AIFM1: variants seen among roughly 807,000 people sequenced by gnomAD.
The protein encoded by AIFM1 is apoptosis inducing factor mitochondria associated 1.
AIFM1 carries 3 observed loss-of-function variants against 51.7 expected under a neutral mutation model. The ratio of observed to expected loss-of-function variants is 0.06; its 90% CI spans 0.03 to 0.15. The LOEUF is 0.15. Among genes scored for constraint, AIFM1 ranks in the 10% least tolerant of loss-of-function variants. The pLI, the probability that AIFM1 is intolerant of heterozygous loss-of-function variation, is 1.00. For missense variants in AIFM1, 330 were observed against 476.8 expected, an observed-to-expected ratio of 0.69 and a Z score of 2.87; for synonymous variants, 178 against 179.4, an observed-to-expected ratio of 0.99 and a Z score of 0.06.
chrX:130,153,270 A>T (rs542845696), intron 2 of AIFM1, among the ~76,000 whole-genome samples: 2 of 103,550 alleles, frequency 1.9e-5, no homozygotes, highest in South Asian at 9.4e-4. Context: ...GGAAAATGGC[A>T]TGAACCCGGG....
At position 130,136,849 on chromosome X, in the gene AIFM1, T is replaced by C. The variant is rs193157887; in HGVS notation, c.1076-118A>G. ...AACCAATTATCAGTACACAGGCAGT[T>C]TTGGAGAGCTGCAAGAACCTACACC... is the stretch of plus-strand genomic sequence containing the variant. On this transcript the variant is annotated intron_variant, in intron 10 of 15. Transcript: ENST00000287295. 7.3e-4 allele frequency: 736 copies of C among 1,010,938 alleles called. 8 individuals carry two copies. In the African/African-American group the frequency reaches 0.012, roughly 17 times the overall value. The allele number at this position is 1,010,938 out of a possible 1,213,427, so 83.3% of individuals were successfully genotyped here. A position where few individuals can be genotyped will look rare whatever the true frequency, so the allele number is the denominator to read the frequency against.
In AIFM1 at chrX:130,137,567, C is replaced by A; in HGVS notation, c.968-382G>T. 4 of 1,157,767 alleles carry A rather than the reference C, an allele frequency of 3.5e-6. No homozygotes were observed. The Middle Eastern group carries it at 9.4e-4, about 272-fold the overall frequency. On this transcript the variant is annotated intron_variant, in intron 9 of 15. Transcript: ENST00000287295. ...AGAAAACTAGTTGCCATGAAACATTCCAACTGGAGCTCACAGATCTCTCAA... is the reference window on the plus strand; with the variant it reads ...AGAAAACTAGTTGCCATGAAACATTACAACTGGAGCTCACAGATCTCTCAA...
intron 3 of AIFM1, 113 bp downstream of exon 3, chrX:130,149,356 A>C (rs2030876241): frequency 1.6e-6 from 1 of 623,548 alleles, no homozygotes; most frequent in African/African-American, 2.2e-5. Context: ...AGATGCTTGC[A>C]ATCTCATACC....
intron 3 of AIFM1, among the ~76,000 whole-genome samples, chrX:130,148,982 C>T (rs1214321798): frequency 3.2e-5 from 3 of 92,502 alleles, no homozygotes; most frequent in African/African-American, 1.3e-4. Flanking sequence ...AGTGCAGCAG[C>T]GTGATCTTGG....
At position 130,132,996 on chromosome X, in the gene AIFM1, C is replaced by T. The variant is rs998544897; in HGVS notation, c.1448+317G>A. ...TCCTGGCCTCGTGATCCGCCCACCT[C>T]GGCCTCTGACCTATTTTGCCGGAAG... is the stretch of plus-strand genomic sequence containing the variant. On this transcript the variant is annotated intron_variant, in intron 13 of 15. Coordinates refer to ENST00000287295, the MANE Select transcript of AIFM1 (RefSeq NM_004208.4). 9.0e-5 allele frequency among the ~76,000 whole-genome samples: 10 copies of T among 111,423 alleles called. 1 individual carries two copies. The highest frequency in any genetic ancestry group is 2.9e-4 in the African/African-American group (9 of 30,647).
chrX:130,145,480 T>G lies in AIFM1; in HGVS notation c.695A>C (p.Lys232Thr). 1 of 1,205,564 alleles carries G rather than the reference T, an allele frequency of 8.3e-7. No individual in the cohort carries two copies. The highest frequency in any genetic ancestry group is 1.1e-6 in the Non-Finnish European group (1 of 889,979). The stretch of plus-strand genomic sequence containing the variant: ...AAAAGAAGCGGTCTACTAGCTCACC[T>G]TCTTCCCAGTGAGGACAGCCACACC... ...NGGVAVLTGK[K>T]VVQLDVRDNM... is the part of the protein sequence containing the mutation. The change falls in exon 6 of 16, where the codon AAG (lysine) becomes ACG (threonine). Residue 232 changes from lysine to threonine, a missense_variant and splice_region_variant. Physicochemically the swap from Lys to Thr is moderately conservative, Grantham distance 78. Around this residue, in one of 4 missense-constraint regions of AIFM1, gnomAD observed 152 missense variants for 292.8 expected, o/e 0.52. Coordinates refer to ENST00000287295, the MANE Select transcript of AIFM1 (RefSeq NM_004208.4).
chrX:130,139,379 C>A (rs1044008051), intron 8 of AIFM1, among the ~76,000 whole-genome samples: 2 of 110,313 alleles, frequency 1.8e-5, no homozygotes, highest in African/African-American at 6.6e-5. Flanking sequence ...AAAATGACAG[C>A]AGTTTTTATA....
intron 12 of AIFM1, among the ~76,000 whole-genome samples, chrX:130,133,838 C>T (rs1305812852): frequency 4.7e-5 from 5 of 106,980 alleles, no homozygotes; most frequent in Admixed American, 1.0e-4. Flanking sequence ...TGCCATGTTG[C>T]GCAGGCTGGT....
At chrX:130,142,121 C>A (rs1378723420) in intron 6 of AIFM1, among the ~76,000 whole-genome samples, 1 of 112,062 alleles carries the variant, frequency 8.9e-6, no homozygotes, top group East Asian at 2.8e-4. Context: ...TTGCTGCTTT[C>A]AGAGTTTAGT....
chrX:130,164,459 C>T (rs1483280247), intron 1 of AIFM1, among the ~76,000 whole-genome samples: 1 of 112,517 alleles, frequency 8.9e-6, no homozygotes, highest in East Asian at 2.8e-4. Flanking sequence ...ATTTTTAAAG[C>T]ACCCAGGTGT....
intron 1 of AIFM1, among the ~76,000 whole-genome samples, chrX:130,159,924 C>G (rs496225): frequency 0.49 from 52,886 of 108,326 alleles, 10,291 homozygotes; most frequent in African/African-American, 0.69. Context: ...GGGCTCAAGC[C>G]ATTCACCAGC....
At chrX:130,158,750 A>C (rs1287361049) in intron 1 of AIFM1, among the ~76,000 whole-genome samples, 2 of 107,300 alleles carry the variant, frequency 1.9e-5, no homozygotes, top group Non-Finnish European at 3.8e-5. Flanking sequence ...AAAATCTCAT[A>C]ATGTTTTAAG....
rs1468881339 is a variant in AIFM1 at position 130,129,898 on chromosome X, C to T, written c.1770+72G>A. On this transcript the variant is annotated intron_variant, in intron 15 of 15. Coordinates refer to ENST00000287295, the MANE Select transcript of AIFM1 (RefSeq NM_004208.4). ...CCGGGGGACAATGCATCTCAGGGCA[C>T]CCGATGAAGTTACAGGAATGTTTCT... 8.6e-6 allele frequency: 10 copies of T among 1,156,396 alleles called. No homozygotes were observed. In the African/African-American group the frequency reaches 8.8e-5, roughly 10 times the overall value.
intron 5 of AIFM1, among the ~76,000 whole-genome samples, chrX:130,146,267 G>A (rs1170082722): frequency 1.8e-5 from 2 of 110,122 alleles, no homozygotes; most frequent in Non-Finnish European, 3.8e-5. Context: ...GCAACATCTC[G>A]TCTCTAGAAA....
intron 5 of AIFM1, among the ~76,000 whole-genome samples, 156 bp from the exon 6 acceptor site, chrX:130,145,725 A>G (rs2030727110): frequency 8.9e-6 from 1 of 112,341 alleles, no homozygotes; most frequent in Non-Finnish European, 1.9e-5. Flanking sequence ...TGACTTGCTT[A>G]CATACAGGTA....
At chrX:130,148,238 A>G (rs1459368448) in intron 3 of AIFM1, among the ~76,000 whole-genome samples, 1 of 111,637 alleles carries the variant, frequency 9.0e-6, no homozygotes, top group Non-Finnish European at 1.9e-5. Flanking sequence ...GGAAAATATC[A>G]GGCTCAGTTT....
chrX:130,156,488 G>A lies in AIFM1; in HGVS notation c.222C>T (p.Gly74=). ...IDNSVLVLIV[G]LSTVGAGAYA... is the part of the protein sequence containing the mutation. ...AGGCACCAGCTCCTACTGTTGATAA[G>A]CCCACAATAAGGACTAACACAGAAT... Residue 74 remains glycine (G), a synonymous_variant, in exon 2 of 16, where the codon GGC becomes GGT. Transcript: ENST00000287295. 1 of 1,211,547 alleles carries A rather than the reference G, an allele frequency of 8.3e-7. No individual in the cohort carries two copies. Among genetic ancestry groups the A allele is most frequent in the Non-Finnish European group, 1.1e-6 (1 of 895,470 alleles).
intron 9 of AIFM1, among the ~76,000 whole-genome samples, chrX:130,138,259 A>C (rs1003237214): frequency 9.0e-6 from 1 of 110,762 alleles, no homozygotes; most frequent in South Asian, 3.8e-4. Context: ...AGGTCAGGAG[A>C]TCGAGACAGT....
chrX:130,161,184 T>C (rs1011716901), intron 1 of AIFM1, among the ~76,000 whole-genome samples: 16 of 111,116 alleles, frequency 1.4e-4, no homozygotes, highest in Admixed American at 1.9e-4. Flanking sequence ...TGAGACTTGT[T>C]TCCTGAGGGT....
Sources: gnomAD v4.1 joint callset for allele counts (sites outside exome capture counted in the v4.1 genomes callset) on GRCh38, gnomAD v4.1.1 for gene constraint, gnomAD v4.1.1 regional missense constraint, MANE v1.5 for transcripts, NCBI Gene and HGNC (gene_info 2026-07-23, HGNC 2026-07-21) for gene names.